Variants in PHACTR1 observed in about 807,000 individuals in gnomAD.
The protein encoded by PHACTR1 is RPEL repeat containing 1.
In PHACTR1, 16 loss-of-function variants were observed where a neutral mutation model predicts 69.2. That is an observed-to-expected ratio of 0.23 (90% confidence interval 0.16 to 0.35). The LOEUF is 0.35. Among genes scored for constraint, PHACTR1 ranks in the 10% least tolerant of loss-of-function variants. PHACTR1 has a pLI of 1.00. For missense variants in PHACTR1, 510 were observed against 734.7 expected (o/e 0.69, Z 3.54); for synonymous variants, 312 against 284.5 (o/e 1.10, Z -0.97).
chr6:13,149,816 A>C (rs909243132), intron 5 of PHACTR1, among the ~76,000 whole-genome samples: 4 of 143,534 alleles, frequency 2.8e-5, no homozygotes, highest in Non-Finnish European at 6.0e-5. Context: ...AAAAGTTACG[A>C]GATTTTTTTT....
At position 12,749,758 on chromosome 6, in the gene PHACTR1, C is replaced by T. The variant is rs535263200; in HGVS notation, c.218C>T (p.Ala73Val). 3.7e-6 allele frequency: 6 copies of T among 1,611,694 alleles called. No homozygotes were observed. In the Admixed American group the frequency reaches 1.0e-4, roughly 27 times the overall value. ...VRSKSDTPYLAEARISFNLGA... is the reference protein window; with the variant it reads ...VRSKSDTPYLVEARISFNLGA... ...TCCAAGAGCGACACGCCGTACCTCG[C>T]AGAGGCCAGGATCTCCTTTAACCTG... The change falls in exon 4 of 15, where the codon GCA (alanine) becomes GTA (valine). Residue 73 changes from alanine to valine, a missense_variant. This residue lies in a region of PHACTR1 where 419 missense variants were observed against 530.9 expected (regional missense o/e 0.79). Coordinates refer to ENST00000332995, the MANE Select transcript of PHACTR1 (RefSeq NM_030948.6).
chr6:13,022,953 G>T (rs1199284417), intron 4 of PHACTR1, among the ~76,000 whole-genome samples: 5 of 152,084 alleles, frequency 3.3e-5, no homozygotes, highest in African/African-American at 4.8e-5. Flanking sequence ...GGAGGCAAAA[G>T]TTGCAGTGAG....
chr6:13,141,725 T>TTTC (rs34326885), intron 5 of PHACTR1, among the ~76,000 whole-genome samples: 2 of 10,938 alleles, frequency 1.8e-4, no homozygotes, highest in African/African-American at 3.4e-4. Context: ...TTCTTCTTTC[T>TTTC]TTTTTTTTTT....
At chr6:12,848,930 T>C (rs1046451691) in intron 4 of PHACTR1, among the ~76,000 whole-genome samples, 3 of 152,186 alleles carry the variant, frequency 2.0e-5, no homozygotes, top group Admixed American at 6.5e-5. Flanking sequence ...TTTTTTTTTT[T>C]TCACTTCTCA....
At chr6:12,718,980 A>G in intron 3 of PHACTR1, 133 bp downstream of exon 3, 1 of 477,638 alleles carries the variant, frequency 2.1e-6, no homozygotes, top group East Asian at 3.1e-5. Context: ...AACCTCTACC[A>G]AACTGCTGCT....
At chr6:12,959,569 C>T (rs9473093) in intron 4 of PHACTR1, among the ~76,000 whole-genome samples, 3,498 of 152,270 alleles carry the variant, frequency 0.023, 133 homozygotes, top group African/African-American at 0.079. Context: ...GGCAGTCCCT[C>T]GAGAAAACAC....
chr6:13,204,149 G>A (rs1387435020), intron 7 of PHACTR1, among the ~76,000 whole-genome samples: 1 of 152,112 alleles, frequency 6.6e-6, no homozygotes, highest in East Asian at 1.9e-4. Flanking sequence ...ATGAAGAGAT[G>A]AACCAAGCAG....
At chr6:13,006,627 TAC>T (rs1798831193) in intron 4 of PHACTR1, among the ~76,000 whole-genome samples, 1 of 152,024 alleles carries the variant, frequency 6.6e-6, no homozygotes, top group African/African-American at 2.4e-5. Flanking sequence ...AGGTGATACA[TAC>T]ACAACTTATA....
At chr6:13,062,245 G>C (rs894759052) in intron 5 of PHACTR1, among the ~76,000 whole-genome samples, 7 of 152,166 alleles carry the variant, frequency 4.6e-5, no homozygotes, top group African/African-American at 1.7e-4. Context: ...GGTGAGCATA[G>C]ATCTCCAGTC....
At chr6:12,773,607 A>T (rs539437787) in intron 4 of PHACTR1, among the ~76,000 whole-genome samples, 5 of 152,174 alleles carry the variant, frequency 3.3e-5, no homozygotes, top group African/African-American at 1.2e-4. Context: ...AGTTAATCTC[A>T]TGGCCCAATT....
At chr6:13,053,091 T>C (rs1806207379) in intron 4 of PHACTR1, among the ~76,000 whole-genome samples, 1 of 152,208 alleles carries the variant, frequency 6.6e-6, no homozygotes, top group Non-Finnish European at 1.5e-5. Flanking sequence ...GTCCCTGACT[T>C]GTCCAGAGAG....
chr6:12,748,557 C>T (rs1170853199), intron 3 of PHACTR1, among the ~76,000 whole-genome samples: 1 of 152,168 alleles, frequency 6.6e-6, no homozygotes, highest in African/African-American at 2.4e-5. Context: ...TCAGCAGGAG[C>T]ATCAAACCAT....
rs151246060 is a variant in PHACTR1, at chr6:13,249,178, C to T, written c.1391+18985C>T. On this transcript the variant is annotated intron_variant, in intron 10 of 14. Transcript: ENST00000332995. ...CTGTGGCCTGTTAGGAAACAGGCCC[C>T]ACAGCAGGAGATGAGTGGCGGGAGT... 1.3e-4 allele frequency among the ~76,000 whole-genome samples: 20 copies of T among 152,254 alleles called. No individual in the cohort carries two copies. In the East Asian group the frequency reaches 3.5e-3, roughly 27 times the overall value.
intron 5 of PHACTR1, among the ~76,000 whole-genome samples, chr6:13,137,370 A>G (rs916261209): frequency 6.6e-6 from 1 of 152,236 alleles, no homozygotes; most frequent in Non-Finnish European, 1.5e-5. Flanking sequence ...GAATGTGCCT[A>G]TTACCTAAAC....
intron 4 of PHACTR1, among the ~76,000 whole-genome samples, chr6:12,831,137 A>C (rs1777535337): frequency 6.6e-6 from 1 of 152,190 alleles, no homozygotes; most frequent in African/African-American, 2.4e-5. Flanking sequence ...ATATTTCTCT[A>C]TGTTTTCTTA....
At chr6:12,797,269 A>G (rs1361616991) in intron 4 of PHACTR1, among the ~76,000 whole-genome samples, 1 of 152,164 alleles carries the variant, frequency 6.6e-6, no homozygotes, top group African/African-American at 2.4e-5. Flanking sequence ...GCTCCAGGGA[A>G]AAGATTCTAT....
intron 5 of PHACTR1, among the ~76,000 whole-genome samples, chr6:13,158,951 T>G (rs1758580081): frequency 6.6e-6 from 1 of 152,238 alleles, no homozygotes; most frequent in Non-Finnish European, 1.5e-5. Flanking sequence ...CTGAATATGT[T>G]TTCAAAGGCT....
chr6:13,241,988 G>A (rs1286512804), intron 10 of PHACTR1, among the ~76,000 whole-genome samples: 1 of 145,240 alleles, frequency 6.9e-6, no homozygotes, highest in Admixed American at 7.1e-5. Context: ...AGCTGAGTTT[G>A]CACCACTGCA....
chr6:12,743,288 C>T (rs558656924), intron 3 of PHACTR1, among the ~76,000 whole-genome samples: 12 of 152,038 alleles, frequency 7.9e-5, no homozygotes, highest in African/African-American at 2.9e-4. Flanking sequence ...TCTCTCCAGT[C>T]TCCCACTTTT....
Sources: allele counts gnomAD v4.1 joint callset (sites outside exome capture counted in the v4.1 genomes callset), GRCh38; gene constraint gnomAD v4.1.1; regional missense constraint gnomAD v4.1.1; transcripts MANE v1.5; gene names NCBI Gene and HGNC (gene_info 2026-07-23, HGNC 2026-07-21).